POLN: variants seen among roughly 807,000 people sequenced by gnomAD.
The protein encoded by POLN is DNA polymerase N.
POLN carries 108 observed loss-of-function variants against 113.5 expected under a neutral mutation model. The observed-to-expected ratio is 0.95, with a 90% confidence interval of 0.81 to 1.12. The LOEUF (loss-of-function observed/expected upper bound fraction) is 1.12, where lower values mean the gene tolerates loss of function less well. POLN is among the 50% of genes most tolerant of loss of function. The probability of loss-of-function intolerance (pLI) is 0.00; values close to 1 mark genes in which losing one functional copy is unlikely to be tolerated. For missense variants in POLN, 1,097 were observed against 1,077.1 expected, an observed-to-expected ratio of 1.02 and a Z score of -0.26; for synonymous variants, 386 against 391.5, an observed-to-expected ratio of 0.99 and a Z score of 0.17.
At chr4:2,231,597 C>CA (rs532732466) in intron 2 of POLN, 37 of 172,692 alleles carry the variant, frequency 2.1e-4, no homozygotes, top group Non-Finnish European at 3.4e-4. Context: ...GACTCTATCT[C>CA]AAAAAAAAAT....
rs140890043 is a variant in POLN, at chr4:2,106,721, T to C, written c.1983-10788A>G. On this transcript the variant is annotated intron_variant, in intron 19 of 25. Transcript: ENST00000511885. ...CTTATACATATCCCAGTAGGTCTTT[T>C]TATGGACTTCATTTTTTTTCCATTG... Among the ~76,000 whole-genome samples the C allele has an allele frequency of 2.6e-4, 39 of 152,306 alleles. No homozygotes were observed. In the East Asian group the frequency reaches 5.8e-3, roughly 23 times the overall value.
At chr4:2,166,646 G>A (rs1292356495) in intron 13 of POLN, among the ~76,000 whole-genome samples, 1 of 152,184 alleles carries the variant, frequency 6.6e-6, no homozygotes, top group East Asian at 1.9e-4. Flanking sequence ...ATGAAAAACA[G>A]AGGAAAGGTG....
At chr4:2,180,214 T>C (rs1733100786) in intron 7 of POLN, among the ~76,000 whole-genome samples, 1 of 152,134 alleles carries the variant, frequency 6.6e-6, no homozygotes, top group African/African-American at 2.4e-5. Flanking sequence ...CATGAGAAAA[T>C]GCTTTTTAAA....
chr4:2,156,416 A>G, intron 16 of POLN: 1 of 467,218 alleles, frequency 2.1e-6, no homozygotes, highest in Admixed American at 2.4e-5. Context: ...AGCTTCAACA[A>G]CCACCAAAAA....
At chr4:2,188,472 G>T (rs1733338012) in intron 7 of POLN, among the ~76,000 whole-genome samples, 1 of 152,014 alleles carries the variant, frequency 6.6e-6, no homozygotes, top group African/African-American at 2.4e-5. Flanking sequence ...CTGGTGGCGG[G>T]CGCCTGTAGT....
At chr4:2,177,426 G>C (rs1356803691) in intron 8 of POLN, 2 of 337,138 alleles carry the variant, frequency 5.9e-6, no homozygotes, top group African/African-American at 4.4e-5. Context: ...CCTCTTTGGA[G>C]AGAATGGTGT....
At chr4:2,101,013 G>A (rs1730909130) in intron 19 of POLN, among the ~76,000 whole-genome samples, 1 of 152,210 alleles carries the variant, frequency 6.6e-6, no homozygotes, top group Non-Finnish European at 1.5e-5. Flanking sequence ...GTGTGTTGCA[G>A]AGGTGAAACA....
At position 2,140,751 on chromosome 4, in the gene POLN, GA is replaced by G. The variant is rs552067545; in HGVS notation, c.1732-9462del. ...TGACAGAGTGAGATTCTGTCTCGGG[GA>G]AAAAAAAAAATTGCCACTTGTGGAG... On this transcript the variant is annotated intron_variant, in intron 16 of 25. Transcript: ENST00000511885. 744 of 148,144 alleles carry G rather than the reference GA, an allele frequency of 5.0e-3. 8 individuals are homozygous for G. The highest frequency in any genetic ancestry group is 0.015 in the African/African-American group (608 of 40,594). The allele number at this position is 148,144 out of a possible 1,614,324, so 9.2% of individuals were successfully genotyped here.
intron 2 of POLN, chr4:2,231,885 AT>A (rs1734590497): frequency 1.2e-6 from 1 of 861,658 alleles, no homozygotes; most frequent in Admixed American, 2.7e-5. Context: ...CTTCTAATAA[AT>A]AAAAGAGGAC....
chr4:2,241,226 A>C, intron 2 of POLN: 2 of 335,336 alleles, frequency 6.0e-6, no homozygotes, highest in Non-Finnish European at 1.1e-5. Context: ...ATGTTTGATG[A>C]TGATAAAGAG....
At chr4:2,187,390 T>A (rs1241831177) in intron 7 of POLN, among the ~76,000 whole-genome samples, 1 of 152,122 alleles carries the variant, frequency 6.6e-6, no homozygotes, top group African/African-American at 2.4e-5. Context: ...ATTACAGGTA[T>A]GTGCCACCAT....
chr4:2,177,175 C>A, intron 8 of POLN: 1 of 334,406 alleles, frequency 3.0e-6, no homozygotes, highest in Non-Finnish European at 6.0e-6. Context: ...CCTTCCACAC[C>A]CCAAAACTGA....
At chr4:2,159,680 G>C (rs780346665) in intron 13 of POLN, among the ~76,000 whole-genome samples, 4 of 152,162 alleles carry the variant, frequency 2.6e-5, no homozygotes, top group African/African-American at 9.7e-5. Context: ...CACCCACAGC[G>C]AGCGACGAAA....
intron 16 of POLN, among the ~76,000 whole-genome samples, chr4:2,132,660 G>C (rs1471507702): frequency 6.6e-6 from 1 of 152,198 alleles, no homozygotes; most frequent in Non-Finnish European, 1.5e-5. Context: ...TTTCCTGTCA[G>C]GGACCATGCA....
intron 4 of POLN, 91 bp from the exon 5 acceptor site, chr4:2,208,578 G>A: frequency 2.9e-6 from 3 of 1,048,198 alleles, no homozygotes; most frequent in Non-Finnish European, 2.7e-6. Context: ...CTTGTCTAAG[G>A]TAATATGGAG....
chr4:2,190,753 A>G (rs977103583), intron 7 of POLN, among the ~76,000 whole-genome samples: 11 of 152,252 alleles, frequency 7.2e-5, no homozygotes, highest in Non-Finnish European at 1.6e-4. Context: ...ACAAAAGGCC[A>G]ACAAGAATAT....
At chr4:2,074,263 C>T (rs1000490815) in intron 24 of POLN, among the ~76,000 whole-genome samples, 1 of 152,180 alleles carries the variant, frequency 6.6e-6, no homozygotes, top group Non-Finnish European at 1.5e-5. Context: ...GGGCGCTACA[C>T]ACCGCCTGGG....
intron 2 of POLN, among the ~76,000 whole-genome samples, chr4:2,232,978 AC>A (rs368837936): frequency 1.3e-5 from 2 of 151,864 alleles, no homozygotes; most frequent in African/African-American, 4.8e-5. Context: ...AGATTCCTGT[AC>A]CCCCCCACTA....
intron 19 of POLN, among the ~76,000 whole-genome samples, chr4:2,109,692 T>A (rs572532225): frequency 7.2e-5 from 11 of 152,324 alleles, no homozygotes; most frequent in African/African-American, 2.6e-4. Flanking sequence ...AATCTAGTAA[T>A]TGGCTTTCTT....
Sources: allele counts gnomAD v4.1 joint callset (sites outside exome capture counted in the v4.1 genomes callset), GRCh38; gene constraint gnomAD v4.1.1; transcripts MANE v1.5; gene names NCBI Gene and HGNC (gene_info 2026-07-23, HGNC 2026-07-21).